The following MOB1B variants were observed in gnomAD, a reference collection of about 807,000 sequenced individuals.
The protein encoded by MOB1B is MOB kinase activator 1B.
A neutral mutation model predicts 24.4 loss-of-function variants in MOB1B; 19 were observed. The observed-to-expected ratio is 0.78, with a 90% CI of 0.54 to 1.14. The LOEUF is 1.14. Among genes scored for constraint, MOB1B ranks in the 50% most tolerant of loss-of-function variants. The pLI is 0.00. For missense variants in MOB1B, 243 were observed against 259.6 expected, an observed-to-expected ratio of 0.94 and a Z score of 0.44; for synonymous variants, 76 against 82.1, an observed-to-expected ratio of 0.93 and a Z score of 0.40.
chr4:70,958,251 G>A lies in MOB1B; in HGVS notation c.15-623G>A, dbSNP rs74712191. 2.0e-5 allele frequency among the ~76,000 whole-genome samples: 3 copies of A among 150,544 alleles called. No homozygotes were observed. In the East Asian group the frequency reaches 5.9e-4, roughly 29 times the overall value. On this transcript the variant is annotated intron_variant, in intron 1 of 5. Coordinates refer to ENST00000309395, the MANE Select transcript of MOB1B (RefSeq NM_173468.4). ...ACAATCTTGGGTCACCACAACCTCT[G>A]CCTCCCGAGTTCAAGCGATTCTCCT...
chr4:70,920,711 CTG>C (rs1471523666), intron 1 of MOB1B, among the ~76,000 whole-genome samples: 1 of 152,194 alleles, frequency 6.6e-6, no homozygotes, highest in Non-Finnish European at 1.5e-5. Flanking sequence ...CCCTGCTTGA[CTG>C]TATGCAGACA....
At chr4:70,956,110 G>A (rs562823756) in intron 1 of MOB1B, among the ~76,000 whole-genome samples, 2 of 152,194 alleles carry the variant, frequency 1.3e-5, no homozygotes, top group South Asian at 2.1e-4. Flanking sequence ...TCATTAAACT[G>A]AAGAATTTCT....
intron 1 of MOB1B, among the ~76,000 whole-genome samples, chr4:70,954,305 A>G (rs937614247): frequency 1.3e-5 from 2 of 152,118 alleles, no homozygotes; most frequent in African/African-American, 2.4e-5. Flanking sequence ...TGATACAGGT[A>G]GTGTTCATGT....
upstream of MOB1B, chr4:70,902,261 G>A (rs925956643): frequency 4.8e-5 from 27 of 562,530 alleles, 1 homozygote; most frequent in Admixed American, 9.3e-5. Context: ...TGGGGGCGGC[G>A]GGGAGCTGGG....
chr4:70,944,926 G>A (rs1737516022), intron 1 of MOB1B, among the ~76,000 whole-genome samples: 1 of 152,176 alleles, frequency 6.6e-6, no homozygotes, highest in Non-Finnish European at 1.5e-5. Flanking sequence ...AATTCAACAT[G>A]AGATTTGGGT....
chr4:70,939,281 GT>G (rs538662461), intron 1 of MOB1B, among the ~76,000 whole-genome samples: 36 of 152,262 alleles, frequency 2.4e-4, no homozygotes, highest in African/African-American at 8.2e-4. Flanking sequence ...ATAAAGTGAA[GT>G]TTTTTAAATC....
intron 5 of MOB1B, among the ~76,000 whole-genome samples, 161 bp from the exon 6 acceptor site, chr4:70,981,819 T>C (rs1739222046): frequency 6.6e-6 from 1 of 152,206 alleles, no homozygotes; most frequent in Non-Finnish European, 1.5e-5. Context: ...AGTGCTTAAG[T>C]GATTTACCCA....
Position 70,942,396 on chromosome 4 carries a change from A to G in MOB1B, c.15-16478A>G, listed in dbSNP as rs185789175. Among the ~76,000 whole-genome samples, 28 of 152,138 alleles carry G rather than the reference A, an allele frequency of 1.8e-4. 1 individual carries two copies. Among genetic ancestry groups the G allele is most frequent in the Non-Finnish European group, 1.5e-5 (1 of 67,978 alleles). ...CATTTAATAAGTAAAGTTATTTCCT[A>G]GTACACTTTATCAGTTTTTATAGGC... On this transcript the variant is annotated intron_variant, in intron 1 of 5. Coordinates refer to ENST00000309395, the MANE Select transcript of MOB1B (RefSeq NM_173468.4).
intron 1 of MOB1B, among the ~76,000 whole-genome samples, chr4:70,928,081 C>T (rs984255026): frequency 6.6e-6 from 1 of 152,132 alleles, no homozygotes; most frequent in African/African-American, 2.4e-5. Flanking sequence ...GGCCTGTGCC[C>T]CCTTCCCAGT....
At chr4:70,922,282 A>C (rs1736467166) in intron 1 of MOB1B, among the ~76,000 whole-genome samples, 1 of 152,252 alleles carries the variant, frequency 6.6e-6, no homozygotes, top group Non-Finnish European at 1.5e-5. Context: ...ATATTAAATG[A>C]GCATCGAAAA....
intron 3 of MOB1B, among the ~76,000 whole-genome samples, chr4:70,974,199 C>G (rs1738885947): frequency 6.6e-6 from 1 of 151,784 alleles, no homozygotes; most frequent in African/African-American, 2.4e-5. Flanking sequence ...CACTCTGTTG[C>G]TCAGGCTGGA....
chr4:70,953,496 G>C (rs1737895953), intron 1 of MOB1B, among the ~76,000 whole-genome samples: 1 of 152,166 alleles, frequency 6.6e-6, no homozygotes, highest in South Asian at 2.1e-4. Flanking sequence ...ACGGAGAAGA[G>C]AGTCAAGAGG....
chr4:70,979,512 T>C (rs535798711), intron 5 of MOB1B, among the ~76,000 whole-genome samples: 2 of 152,326 alleles, frequency 1.3e-5, no homozygotes, highest in South Asian at 2.1e-4. Flanking sequence ...TTTGAAAAGT[T>C]GTGCCTTGGA....
intron 1 of MOB1B, among the ~76,000 whole-genome samples, chr4:70,946,998 C>T (rs1737611424): frequency 6.6e-6 from 1 of 152,180 alleles, no homozygotes; most frequent in African/African-American, 2.4e-5. Context: ...TAGGGTGCTT[C>T]AAATGTAATT....
chr4:70,978,239 A>G (rs1427763309), intron 4 of MOB1B, among the ~76,000 whole-genome samples: 1 of 152,160 alleles, frequency 6.6e-6, no homozygotes, highest in African/African-American at 2.4e-5. Context: ...AGGTCCATCT[A>G]TGTTGTGGCA....
chr4:70,972,402 C>T (rs887515524), intron 3 of MOB1B, among the ~76,000 whole-genome samples: 2 of 151,714 alleles, frequency 1.3e-5, no homozygotes, highest in Non-Finnish European at 1.5e-5. Flanking sequence ...TTAGTATAGA[C>T]GGGGTTTCAT....
At chr4:70,952,664 A>C (rs1400326158) in intron 1 of MOB1B, among the ~76,000 whole-genome samples, 71 of 150,988 alleles carry the variant, frequency 4.7e-4, no homozygotes, top group African/African-American at 1.7e-3. Flanking sequence ...AAAAAACAAA[A>C]CAAAAACAAA....
chr4:70,966,960 T>C (rs1286800603), intron 2 of MOB1B, among the ~76,000 whole-genome samples: 6 of 152,090 alleles, frequency 3.9e-5, no homozygotes, highest in African/African-American at 4.8e-5. Flanking sequence ...AGAAAAACCA[T>C]TTGCTAAAAT....
intron 1 of MOB1B, among the ~76,000 whole-genome samples, chr4:70,917,201 T>C (rs1408120213): frequency 6.6e-6 from 1 of 152,184 alleles, no homozygotes. Context: ...TTTTGACTGA[T>C]TATGAGGCAA....
Sources: allele counts gnomAD v4.1 joint callset (sites outside exome capture counted in the v4.1 genomes callset), GRCh38; gene constraint gnomAD v4.1.1; transcripts MANE v1.5; gene names NCBI Gene and HGNC (gene_info 2026-07-23, HGNC 2026-07-21).